Variants in NCK2 observed in about 807,000 individuals in gnomAD.
The protein encoded by NCK2 is NCK adaptor protein 2.
In NCK2, 16 loss-of-function variants were observed where a neutral mutation model predicts 33.9. The observed-to-expected ratio is 0.47, with a 90% confidence interval of 0.32 to 0.72. NCK2 has a LOEUF of 0.72. Ranked by LOEUF, NCK2 falls within the 30% of genes least tolerant of loss-of-function variation. The probability of loss-of-function intolerance (pLI) is 0.03; values close to 1 mark genes in which losing one functional copy is unlikely to be tolerated. For missense variants in NCK2, 418 were observed against 537.3 expected (o/e 0.78, Z 2.19); for synonymous variants, 273 against 239.9 (o/e 1.14, Z -1.27).
At chr2:105,768,184 A>T (rs538369498) in intron 1 of NCK2, among the ~76,000 whole-genome samples, 1 of 152,166 alleles carries the variant, frequency 6.6e-6, no homozygotes, top group Non-Finnish European at 1.5e-5. Context: ...AATGCCATTC[A>T]TTTGCTTTCT....
rs147095555 is a variant in NCK2 at position 105,749,736 on chromosome 2, G to A, written c.-201+4598G>A. Among the ~76,000 whole-genome samples, 510 of 152,196 alleles carry A rather than the reference G, an allele frequency of 3.4e-3. 2 individuals carry two copies. Among genetic ancestry groups the A allele is most frequent in the South Asian group, 0.027 (131 of 4,818 alleles). ...AGGTTGAGCGGTGTGAGGGGAGGCC[G>A]GCAGGAGCAATGTCAGTCTCTCTTG... On this transcript the variant is annotated intron_variant, in intron 1 of 4. Transcript: ENST00000233154.
chr2:105,863,433 C>G (rs116829275), intron 3 of NCK2, among the ~76,000 whole-genome samples: 469 of 152,230 alleles, frequency 3.1e-3, no homozygotes, highest in African/African-American at 0.011. Flanking sequence ...CCTTTGAGAA[C>G]AGTAACCAAA....
intron 1 of NCK2, among the ~76,000 whole-genome samples, chr2:105,752,533 T>C (rs1265553484): frequency 6.6e-6 from 1 of 152,092 alleles, no homozygotes; most frequent in Non-Finnish European, 1.5e-5. Context: ...TTCAGCACCA[T>C]AGGAAAGGTA....
intron 2 of NCK2, 99 bp downstream of exon 2, chr2:105,816,712 C>T (rs993545013): frequency 2.0e-5 from 3 of 152,120 alleles, no homozygotes; most frequent in African/African-American, 7.2e-5. Context: ...TCAGTGTAGC[C>T]TTGATTTGTT....
chr2:105,788,471 T>TCTA (rs1328594496), intron 1 of NCK2, among the ~76,000 whole-genome samples: 4 of 152,192 alleles, frequency 2.6e-5, no homozygotes. Context: ...ACTTTTCTCA[T>TCTA]TAATAGGGAT....
chr2:105,790,498 AT>A (rs1165543789), intron 1 of NCK2, among the ~76,000 whole-genome samples: 1 of 152,050 alleles, frequency 6.6e-6, no homozygotes, highest in Non-Finnish European at 1.5e-5. Context: ...CGCCTGCCCC[AT>A]TTCTTGTTAC....
chr2:105,889,576 T>C (rs1462270525), intron 4 of NCK2, among the ~76,000 whole-genome samples: 2 of 150,986 alleles, frequency 1.3e-5, no homozygotes, highest in Admixed American at 6.6e-5. Context: ...CATTTCTTTT[T>C]TTTTTTTTTT....
At chr2:105,859,984 A>C (rs985596156) in intron 3 of NCK2, among the ~76,000 whole-genome samples, 1 of 152,172 alleles carries the variant, frequency 6.6e-6, no homozygotes, top group Non-Finnish European at 1.5e-5. Context: ...GAAAAATGTC[A>C]GTTCAAAACA....
chr2:105,859,952 C>T (rs961634778), intron 3 of NCK2, among the ~76,000 whole-genome samples: 10 of 152,084 alleles, frequency 6.6e-5, no homozygotes, highest in Non-Finnish European at 1.2e-4. Context: ...ATTATACTTT[C>T]GTTTTTAAGA....
chr2:105,822,036 G>A (rs1675760174), intron 2 of NCK2, among the ~76,000 whole-genome samples: 1 of 151,844 alleles, frequency 6.6e-6, no homozygotes, highest in Admixed American at 6.5e-5. Context: ...GACTTGGCCG[G>A]GGCTCCTAGG....
intron 1 of NCK2, among the ~76,000 whole-genome samples, chr2:105,791,765 T>C (rs1455236593): frequency 6.6e-6 from 1 of 152,214 alleles, no homozygotes; most frequent in African/African-American, 2.4e-5. Context: ...ATTTGATCCA[T>C]GTAAAAATGA....
intron 1 of NCK2, among the ~76,000 whole-genome samples, chr2:105,810,333 C>A (rs779645389): frequency 1.3e-5 from 2 of 151,714 alleles, no homozygotes; most frequent in South Asian, 2.1e-4. Context: ...AGAGAGAGAG[C>A]GAGCGAGCAA....
intron 1 of NCK2, among the ~76,000 whole-genome samples, chr2:105,763,387 C>G (rs1689828951): frequency 6.6e-6 from 1 of 152,144 alleles, no homozygotes; most frequent in Non-Finnish European, 1.5e-5. Context: ...ATTTTGCTGC[C>G]TAACAGAACT....
chr2:105,880,991 GC>G (rs1678453418), intron 3 of NCK2, among the ~76,000 whole-genome samples: 1 of 127,096 alleles, frequency 7.9e-6, no homozygotes, highest in South Asian at 2.6e-4. Context: ...TCGCTATGTT[GC>G]TTAGGCTGGT....
At chr2:105,807,298 A>C (rs921243490) in intron 1 of NCK2, among the ~76,000 whole-genome samples, 17 of 152,196 alleles carry the variant, frequency 1.1e-4, no homozygotes, top group African/African-American at 4.1e-4. Flanking sequence ...CTAAAATCAC[A>C]CCCAGGTGCT....
intron 2 of NCK2, among the ~76,000 whole-genome samples, chr2:105,843,205 T>A (rs775319926): frequency 2.6e-5 from 4 of 152,128 alleles, no homozygotes; most frequent in Non-Finnish European, 4.4e-5. Flanking sequence ...ATACCTTATT[T>A]ATGTTTCATA....
In NCK2 at chr2:105,881,638, C is replaced by A. The variant is rs756622014; in HGVS notation, c.537C>A (p.Phe179Leu). The A allele has an allele frequency of 6.2e-7, 1 of 1,613,456 alleles. No homozygotes were observed. ...VDEAAAESPS[F>L]LSLRKGASLS... is the part of the protein sequence containing the mutation. ...AGGCGGCTGCGGAGTCCCCAAGCTTCCTGAGCCTGCGCAAGGGCGCCTCGC... is the reference window on the plus strand; with the variant it reads ...AGGCGGCTGCGGAGTCCCCAAGCTTACTGAGCCTGCGCAAGGGCGCCTCGC... Residue 179 changes from phenylalanine (F) to leucine (L), a missense_variant, in exon 4 of 5, where the codon TTC becomes TTA. By Grantham distance (22) the Phe-to-Leu change is conservative. Coordinates refer to ENST00000233154, the MANE Select transcript of NCK2 (RefSeq NM_003581.5).
intron 2 of NCK2, among the ~76,000 whole-genome samples, chr2:105,818,204 A>C (rs1397448134): frequency 6.9e-6 from 1 of 145,860 alleles, no homozygotes; most frequent in African/African-American, 2.5e-5. Flanking sequence ...TGCATGTTCT[A>C]ACTCATAGGT....
At chr2:105,783,217 A>G (rs1424980090) in intron 1 of NCK2, among the ~76,000 whole-genome samples, 2 of 152,198 alleles carry the variant, frequency 1.3e-5, no homozygotes, top group African/African-American at 4.8e-5. Context: ...ATGATATGTA[A>G]TCTTTTGAAG....
Sources: gnomAD v4.1 joint callset for allele counts (sites outside exome capture counted in the v4.1 genomes callset) on GRCh38, gnomAD v4.1.1 for gene constraint, MANE v1.5 for transcripts, NCBI Gene and HGNC (gene_info 2026-07-23, HGNC 2026-07-21) for gene names.